The following NLGN1 variants were observed in gnomAD, a reference collection of about 807,000 sequenced individuals.
NLGN1 encodes the protein neuroligin 1, also known as neuroligin-1.
In NLGN1, 12 loss-of-function variants were observed where a neutral mutation model predicts 65.5. The ratio of observed to expected loss-of-function variants is 0.18; its 90% CI spans 0.12 to 0.30. NLGN1 has a LOEUF of 0.30. Ranked by LOEUF, NLGN1 falls within the 10% of genes least tolerant of loss-of-function variation. The pLI is 1.00. For synonymous variants in NLGN1, 350 were observed against 359.5 expected (o/e 0.97, Z 0.30); for missense variants, 750 against 1,007.1 (o/e 0.74, Z 3.46).
chr3:173,866,919 G>A (rs531031401), intron 4 of NLGN1, among the ~76,000 whole-genome samples: 2 of 152,162 alleles, frequency 1.3e-5, no homozygotes, highest in South Asian at 4.2e-4. Flanking sequence ...GGGAAGAAGG[G>A]GCAAAGATGG....
intron 3 of NLGN1, among the ~76,000 whole-genome samples, chr3:173,653,689 T>C (rs544454209): frequency 2.6e-5 from 4 of 152,228 alleles, no homozygotes; most frequent in Non-Finnish European, 4.4e-5. Context: ...AGACATGGAA[T>C]CTGATTTCCC....
chr3:173,932,679 G>A (rs1744318950), intron 4 of NLGN1, among the ~76,000 whole-genome samples: 1 of 152,130 alleles, frequency 6.6e-6, no homozygotes, highest in Admixed American at 6.6e-5. Context: ...TGACTAAAAT[G>A]TTCTTTCTTT....
At chr3:174,054,759 A>C (rs573926794) in intron 4 of NLGN1, among the ~76,000 whole-genome samples, 1 of 152,188 alleles carries the variant, frequency 6.6e-6, no homozygotes, top group Admixed American at 6.6e-5. Flanking sequence ...ATGTTGTAAC[A>C]GTGTCCACTT....
intron 4 of NLGN1, among the ~76,000 whole-genome samples, chr3:173,965,979 C>G (rs1714773811): frequency 1.3e-5 from 2 of 148,632 alleles, no homozygotes; most frequent in Admixed American, 1.3e-4. Flanking sequence ...GTACAAATAT[C>G]TATCTTTTAA....
chr3:173,408,230 TCAACATGGTACTC>T (rs1711688249), intron 1 of NLGN1, among the ~76,000 whole-genome samples: 1 of 152,142 alleles, frequency 6.6e-6, no homozygotes, highest in Non-Finnish European at 1.5e-5. Context: ...ATGCTCCTTT[TCAACATGGTACTC>T]CAAGCAGTCC....
At chr3:173,693,066 G>A (rs1334239259) in intron 3 of NLGN1, among the ~76,000 whole-genome samples, 1 of 151,086 alleles carries the variant, frequency 6.6e-6, no homozygotes, top group East Asian at 1.9e-4. Context: ...TACACTACAA[G>A]TGAAGGTAAA....
chr3:173,536,066 G>T (rs751321264), intron 2 of NLGN1, among the ~76,000 whole-genome samples: 1 of 152,170 alleles, frequency 6.6e-6, no homozygotes, highest in Admixed American at 6.6e-5. Flanking sequence ...TTGCCTCTTG[G>T]ATTGTGCTTT....
At chr3:173,894,794 C>T (rs888719318) in intron 4 of NLGN1, among the ~76,000 whole-genome samples, 1 of 151,934 alleles carries the variant, frequency 6.6e-6, no homozygotes, top group African/African-American at 2.4e-5. Context: ...TGGGCCACCA[C>T]GCCTGGCTAA....
intron 2 of NLGN1, among the ~76,000 whole-genome samples, chr3:173,545,897 G>A (rs1365049705): frequency 6.6e-6 from 1 of 151,820 alleles, no homozygotes; most frequent in Non-Finnish European, 1.5e-5. Flanking sequence ...TGAACAATGA[G>A]AACACATGGA....
At chr3:173,459,151 C>G (rs548079168) in intron 2 of NLGN1, among the ~76,000 whole-genome samples, 2 of 152,208 alleles carry the variant, frequency 1.3e-5, no homozygotes, top group South Asian at 4.1e-4. Flanking sequence ...ATTACATGAT[C>G]TTACAGCAGT....
intron 4 of NLGN1, among the ~76,000 whole-genome samples, chr3:174,249,647 C>T (rs556576543): frequency 6.6e-6 from 1 of 152,262 alleles, no homozygotes; most frequent in South Asian, 2.1e-4. Flanking sequence ...AGTACTTTAT[C>T]CACTTACCTA....
intron 4 of NLGN1, among the ~76,000 whole-genome samples, chr3:174,051,120 A>C (rs1360394090): frequency 6.6e-6 from 1 of 152,088 alleles, no homozygotes; most frequent in East Asian, 1.9e-4. Flanking sequence ...AGGTGCTATT[A>C]CATTAAGAAT....
intron 4 of NLGN1, among the ~76,000 whole-genome samples, chr3:174,011,115 C>G (rs291924): frequency 0.94 from 143,580 of 152,262 alleles, 67,740 homozygotes; most frequent in East Asian, 0.98. Flanking sequence ...GTAACTGTTT[C>G]ATATCAATTA....
intron 4 of NLGN1, among the ~76,000 whole-genome samples, chr3:174,214,486 T>C (rs1737247770): frequency 6.6e-6 from 1 of 152,220 alleles, no homozygotes; most frequent in Admixed American, 6.5e-5. Flanking sequence ...ATTTTAGTGT[T>C]ATCTTCTGAA....
chr3:173,799,990 G>C (rs1386901259), intron 3 of NLGN1, among the ~76,000 whole-genome samples: 4 of 131,544 alleles, frequency 3.0e-5, no homozygotes, highest in Non-Finnish European at 6.4e-5. Flanking sequence ...TTACTTTTTT[G>C]TATGCAATGG....
At chr3:174,042,167 C>A (rs373810534) in intron 4 of NLGN1, among the ~76,000 whole-genome samples, 71 of 152,276 alleles carry the variant, frequency 4.7e-4, no homozygotes, top group African/African-American at 1.6e-3. Context: ...TCTCCCTACT[C>A]TGTGGCTTGC....
At chr3:173,849,181 ATCTTT>A (rs1489416221) in intron 4 of NLGN1, among the ~76,000 whole-genome samples, 1 of 152,126 alleles carries the variant, frequency 6.6e-6, no homozygotes, top group Non-Finnish European at 1.5e-5. Context: ...GTAGTGTTAT[ATCTTT>A]TCTTTTAAAT....
intron 4 of NLGN1, among the ~76,000 whole-genome samples, chr3:174,034,750 C>T (rs913217865): frequency 6.6e-6 from 1 of 151,714 alleles, no homozygotes; most frequent in Non-Finnish European, 1.5e-5. Flanking sequence ...CCAGAAAATG[C>T]AGAAAAAATT....
At chr3:173,449,155 A>T (rs1360067013) in intron 2 of NLGN1, among the ~76,000 whole-genome samples, 7 of 151,940 alleles carry the variant, frequency 4.6e-5, no homozygotes, top group Non-Finnish European at 8.8e-5. Context: ...TTGTGATGTT[A>T]GGGTGTCAAT....
Sources: gnomAD v4.1 joint callset for allele counts (sites outside exome capture counted in the v4.1 genomes callset) on GRCh38, gnomAD v4.1.1 for gene constraint, MANE v1.5 for transcripts, NCBI Gene and HGNC (gene_info 2026-07-23, HGNC 2026-07-21) for gene names.